ROBO2: variants seen among roughly 807,000 people sequenced by gnomAD.
The protein encoded by ROBO2 is roundabout homolog 2.
In ROBO2, 53 loss-of-function variants were observed where a neutral mutation model predicts 160.8. That is an observed-to-expected ratio of 0.33 (90% CI 0.26 to 0.41). ROBO2 has a LOEUF of 0.41. ROBO2 is among the 10% of genes least tolerant of loss of function. The pLI is 1.00. For synonymous variants in ROBO2, 664 were observed against 611.7 expected (o/e 1.09, Z -1.26); for missense variants, 1,577 against 1,722.4 (o/e 0.92, Z 1.49).
intron 8 of ROBO2, among the ~76,000 whole-genome samples, chr3:77,553,530 G>T (rs2092998804): frequency 1.3e-5 from 2 of 151,906 alleles, no homozygotes. Flanking sequence ...CAAAAGCTGG[G>T]CCTCTTGTTC....
intron 2 of ROBO2, among the ~76,000 whole-genome samples, chr3:76,610,587 T>C (rs917414174): frequency 3.9e-5 from 6 of 152,152 alleles, no homozygotes; most frequent in Non-Finnish European, 7.4e-5. Flanking sequence ...TTCACTCCCA[T>C]AGCTTGGCGA....
chr3:77,566,576 G>C (rs969727729), intron 12 of ROBO2, among the ~76,000 whole-genome samples: 2 of 152,064 alleles, frequency 1.3e-5, no homozygotes, highest in African/African-American at 4.8e-5. Flanking sequence ...AACGTAGAGA[G>C]AGATCAGAAT....
chr3:76,506,908 AT>A (rs894020103), intron 2 of ROBO2, among the ~76,000 whole-genome samples: 2 of 152,176 alleles, frequency 1.3e-5, no homozygotes, highest in African/African-American at 4.8e-5. Context: ...CAGCTGGCTT[AT>A]TTTTATTTTT....
chr3:76,215,153 C>A (rs1703421238), intron 2 of ROBO2, among the ~76,000 whole-genome samples: 2 of 152,084 alleles, frequency 1.3e-5, no homozygotes, highest in African/African-American at 2.4e-5. Context: ...ACACCAAAAC[C>A]CCATCTGTAT....
chr3:77,526,659 T>A (rs985383477), intron 6 of ROBO2, among the ~76,000 whole-genome samples: 3 of 151,518 alleles, frequency 2.0e-5, no homozygotes, highest in African/African-American at 7.3e-5. Flanking sequence ...GGCAGCCTAT[T>A]ACCACTGATT....
At chr3:76,150,296 C>CATCTGTCTAAAACACAT (rs2072122311) in intron 2 of ROBO2, among the ~76,000 whole-genome samples, 1 of 151,148 alleles carries the variant, frequency 6.6e-6, no homozygotes. Context: ...CTAAAACACA[C>CATCTGTCTAAAACACAT]ATCTGTCTAA....
intron 20 of ROBO2, among the ~76,000 whole-genome samples, chr3:77,606,138 T>C (rs919348140): frequency 6.6e-6 from 1 of 152,128 alleles, no homozygotes; most frequent in Admixed American, 6.5e-5. Context: ...GGGATACTCA[T>C]AGGGCCTGGA....
At chr3:76,245,889 G>A (rs932673603) in intron 2 of ROBO2, among the ~76,000 whole-genome samples, 1 of 152,116 alleles carries the variant, frequency 6.6e-6, no homozygotes, top group Non-Finnish European at 1.5e-5. Context: ...ACACTAAGTT[G>A]TTATATTCTG....
intron 2 of ROBO2, among the ~76,000 whole-genome samples, chr3:76,477,158 T>C (rs1211549229): frequency 6.6e-6 from 1 of 152,156 alleles, no homozygotes; most frequent in East Asian, 1.9e-4. Context: ...AAATTAGTTC[T>C]CAGTAAAGGT....
intron 2 of ROBO2, among the ~76,000 whole-genome samples, chr3:76,548,030 A>G (rs761841731): frequency 1.3e-5 from 2 of 152,154 alleles, no homozygotes; most frequent in Admixed American, 6.5e-5. Flanking sequence ...ATAGCATGCC[A>G]TATTCCTAAA....
chr3:76,207,391 A>G (rs1288451907), intron 2 of ROBO2, among the ~76,000 whole-genome samples: 1 of 152,176 alleles, frequency 6.6e-6, no homozygotes, highest in Non-Finnish European at 1.5e-5. Flanking sequence ...ACGAAGTGTT[A>G]GTTACATGTG....
chr3:75,973,602 G>A (rs1348783949), intron 2 of ROBO2, among the ~76,000 whole-genome samples: 3 of 151,372 alleles, frequency 2.0e-5, no homozygotes, highest in African/African-American at 7.3e-5. Context: ...TGAACATAAA[G>A]GAAAAGCAAC....
At chr3:76,893,429 G>A (rs187817710) in intron 2 of ROBO2, among the ~76,000 whole-genome samples, 1 of 151,846 alleles carries the variant, frequency 6.6e-6, no homozygotes, top group Non-Finnish European at 1.5e-5. Flanking sequence ...AATTACCTTG[G>A]TGATGAAAAA....
chr3:76,598,611 A>C (rs1259670737), intron 2 of ROBO2, among the ~76,000 whole-genome samples: 1 of 152,176 alleles, frequency 6.6e-6, no homozygotes, highest in South Asian at 2.1e-4. Flanking sequence ...AGTCCTTATG[A>C]ATCTGTAATT....
chr3:77,503,669 G>A (rs1007376874), intron 5 of ROBO2, among the ~76,000 whole-genome samples: 9 of 151,912 alleles, frequency 5.9e-5, no homozygotes, highest in African/African-American at 1.7e-4. Context: ...AATATCAATA[G>A]TTCCATGGAT....
chr3:76,161,581 C>T lies in ROBO2; in HGVS notation c.109+223979C>T, dbSNP rs116580860. Among the ~76,000 whole-genome samples the T allele has an allele frequency of 4.5e-3, 685 of 152,180 alleles. 9 individuals carry two copies. The highest frequency in any genetic ancestry group is 0.016 in the African/African-American group (655 of 41,528). ...TCAGGGTCATTAGAGAATTGTGGCA[C>T]GCTTGCTCTCTGACAGACCCTTTCT... is the stretch of plus-strand genomic sequence containing the variant. On this transcript the variant is annotated intron_variant, in intron 2 of 26. Coordinates refer to the ROBO2 transcript ENST00000487694.
At chr3:76,693,493 A>ATGTC (rs4053711) in intron 2 of ROBO2, among the ~76,000 whole-genome samples, 1 of 150,718 alleles carries the variant, frequency 6.6e-6, no homozygotes, top group African/African-American at 2.4e-5. Context: ...GTGTATATAT[A>ATGTC]CATATATAGA....
chr3:77,062,368 T>C (rs1297457989), intron 1 of ROBO2, among the ~76,000 whole-genome samples: 9 of 152,136 alleles, frequency 5.9e-5, no homozygotes, highest in Non-Finnish European at 1.2e-4. Flanking sequence ...CAGAATGCAG[T>C]GCAGTTTCTA....
chr3:76,945,177 G>A (rs1443136666), intron 2 of ROBO2, among the ~76,000 whole-genome samples: 6 of 152,144 alleles, frequency 3.9e-5, no homozygotes, highest in Non-Finnish European at 8.8e-5. Flanking sequence ...GCAGAATATG[G>A]TAGAAGAGAT....
Sources: gnomAD v4.1 joint callset for allele counts (sites outside exome capture counted in the v4.1 genomes callset) on GRCh38, gnomAD v4.1.1 for gene constraint, MANE v1.5 for transcripts, NCBI Gene and HGNC (gene_info 2026-07-23, HGNC 2026-07-21) for gene names.